The following VPS13D variants were observed in gnomAD, a reference collection of about 807,000 sequenced individuals.
VPS13D encodes intermembrane lipid transfer protein VPS13D.
VPS13D carries 187 observed loss-of-function variants against 461.9 expected under a neutral mutation model. The ratio of observed to expected loss-of-function variants is 0.40; its 90% confidence interval spans 0.36 to 0.46. The LOEUF is 0.46. Among genes scored for constraint, VPS13D ranks in the 20% least tolerant of loss-of-function variants. The probability of loss-of-function intolerance (pLI) is 0.60; values close to 1 mark genes in which losing one functional copy is unlikely to be tolerated. For missense variants in VPS13D, 4,711 were observed against 5,364.9 expected, an observed-to-expected ratio of 0.88 and a Z score of 3.81; for synonymous variants, 1,951 against 1,986.3, an observed-to-expected ratio of 0.98 and a Z score of 0.47.
chr1:12,511,699 C>CTG lies in VPS13D; in HGVS notation c.*2678_*2679dup, dbSNP rs1200695399. Reference sequence around the variant, plus strand: ...TCACTCCCTGGCTGTCGCTGCTTCTCTGTGCTCACTGAAGGGTGAGCCAGG... The same window carrying CTG: ...TCACTCCCTGGCTGTCGCTGCTTCTCTGTGTGCTCACTGAAGGGTGAGCCAGG... On this transcript the variant is annotated 3_prime_UTR_variant, in exon 70 of 70. Transcript: ENST00000620676. The surrounding 1 kb of genome is among the most constrained non-coding windows in gnomAD (Gnocchi z 4.5). 6.6e-6 allele frequency: 1 copy of CTG among 152,308 alleles called. No individual in the cohort carries two copies. The highest frequency in any genetic ancestry group is 2.4e-5 in the African/African-American group (1 of 41,466). The allele number at this position is 152,308 out of a possible 1,614,324, so 9.4% of individuals were successfully genotyped here. A position where few individuals can be genotyped will look rare whatever the true frequency, so the allele number is the denominator to read the frequency against.
chr1:12,488,199 C>G (rs1645827378), intron 67 of VPS13D, among the ~76,000 whole-genome samples: 1 of 152,210 alleles, frequency 6.6e-6, no homozygotes, highest in African/African-American at 2.4e-5. Flanking sequence ...TTGGTATTTT[C>G]AATGGACTTG....
chr1:12,418,660 G>A (rs568015849), intron 65 of VPS13D, among the ~76,000 whole-genome samples: 146 of 152,256 alleles, frequency 9.6e-4, no homozygotes, highest in African/African-American at 3.1e-3. Context: ...AAGGTATGAC[G>A]TTACAAAAAT....
intron 67 of VPS13D, among the ~76,000 whole-genome samples, chr1:12,462,599 C>T (rs1043430021): frequency 3.3e-5 from 5 of 152,210 alleles, no homozygotes; most frequent in African/African-American, 1.2e-4. Flanking sequence ...TATGTCTTGA[C>T]CCTGTGCCCA....
chr1:12,290,747 G>A (rs1328161844), intron 22 of VPS13D, among the ~76,000 whole-genome samples: 1 of 151,632 alleles, frequency 6.6e-6, no homozygotes, highest in Admixed American at 6.6e-5. Flanking sequence ...ATGTAATGTT[G>A]CTGTATTATT....
rs34128167 is a variant in VPS13D at position 12,507,047 on chromosome 1, C to A, written c.12989C>A (p.Thr4330Lys). ...YVQVTKKAVS[T>K]SSGVSIPGPS... ...CAGGTGACCAAGAAAGCCGTGAGCA[C>A]GAGCAGTGGAGTGTCCATCCCCGGC... Residue 4330 changes from threonine (T) to lysine (K), a missense_variant, in exon 69 of 70, where the codon ACG becomes AAG. By Grantham distance (78) the Thr-to-Lys change is moderately conservative. Around this residue, in one of 3 missense-constraint regions of VPS13D, gnomAD observed 194 missense variants for 220.9 expected, o/e 0.88. Transcript: ENST00000620676. This position sits in a 1 kb window ranked among gnomAD's most constrained non-coding sequence, Gnocchi z 5.3. 3 of 1,614,248 alleles carry A rather than the reference C, an allele frequency of 1.9e-6. No homozygotes were observed. Among genetic ancestry groups the A allele is most frequent in the Non-Finnish European group, 2.5e-6 (3 of 1,180,042 alleles).
intron 5 of VPS13D, among the ~76,000 whole-genome samples, chr1:12,247,534 G>A (rs1162883054): frequency 6.6e-6 from 1 of 151,010 alleles, no homozygotes; most frequent in Non-Finnish European, 1.5e-5. Context: ...AAAACAAAAA[G>A]CAAACATTTA....
rs1288471624 is a variant in VPS13D at position 12,363,134 on chromosome 1, G to C, written c.10335G>C (p.Trp3445Cys). 1 of 1,614,180 alleles carries C rather than the reference G, an allele frequency of 6.2e-7. No homozygotes were observed. Among genetic ancestry groups the C allele is most frequent in the Non-Finnish European group, 8.5e-7 (1 of 1,180,034 alleles). Residue 3445 changes from tryptophan (W) to cysteine (C), a missense_variant, in exon 52 of 70, where the codon TGG (tryptophan) becomes TGC (cysteine). This residue lies in a region of VPS13D where 4,411 missense variants were observed against 4,937.8 expected (regional missense o/e 0.89). Transcript: ENST00000620676. ...CTGGTTCCAGTGTGGTGTTCCACTG[G>C]CCTCGGAATGACTATGATCAGCTAT... ...TLPGSSVVFH[W>C]PRNDYDQLLC...
chr1:12,499,252 G>A (rs1430025093), intron 68 of VPS13D, among the ~76,000 whole-genome samples: 2 of 152,140 alleles, frequency 1.3e-5, no homozygotes, highest in African/African-American at 4.8e-5. Flanking sequence ...AGAATCCTCA[G>A]CACATAGAAC....
At chr1:12,398,363 C>CT (rs1259287834) in intron 60 of VPS13D, among the ~76,000 whole-genome samples, 1,862 of 141,272 alleles carry the variant, frequency 0.013, 40 homozygotes, top group African/African-American at 0.041. Context: ...ACTTTTTTTT[C>CT]TTTTTTTTTT....
At chr1:12,468,507 G>A (rs773720936) in intron 67 of VPS13D, among the ~76,000 whole-genome samples, 34 of 152,188 alleles carry the variant, frequency 2.2e-4, no homozygotes, top group Admixed American at 3.9e-4. Context: ...ATTTGGACTA[G>A]CAGGGACTTA....
chr1:12,318,110 A>T lies in VPS13D; in HGVS notation c.7187A>T (p.Asn2396Ile). The T allele has an allele frequency of 6.2e-7, 1 of 1,614,012 alleles. No individual in the cohort carries two copies. Among genetic ancestry groups the T allele is most frequent in the Non-Finnish European group, 8.5e-7 (1 of 1,179,914 alleles). ...KDSSCFTVVL[N>I]NLRVFLIFDW... is the part of the protein sequence containing the mutation. ...TCCTCCTGCTTTACAGTAGTTCTCA[A>T]CAATCTCCGTGTGTTTCTCATATTT... Residue 2396 changes from asparagine (N) to isoleucine (I), a missense_variant, in exon 31 of 70, where the codon AAC becomes ATC. Asn to Ile is a moderately radical substitution (Grantham distance 149, BLOSUM62 -3). Coordinates refer to ENST00000620676, the MANE Select transcript of VPS13D (RefSeq NM_015378.4).
intron 13 of VPS13D, among the ~76,000 whole-genome samples, chr1:12,264,963 G>A (rs568182653): frequency 6.6e-6 from 1 of 152,206 alleles, no homozygotes; most frequent in African/African-American, 2.4e-5. Flanking sequence ...TTAAGTTGCT[G>A]ATTTACCTTT....
chr1:12,482,761 T>A (rs1437096999), intron 67 of VPS13D, among the ~76,000 whole-genome samples: 3 of 143,298 alleles, frequency 2.1e-5, no homozygotes, highest in African/African-American at 8.4e-5. Context: ...TATGTATACA[T>A]AGTATACATA....
At chr1:12,318,903 G>A (rs1367271311) in intron 31 of VPS13D, among the ~76,000 whole-genome samples, 2 of 152,256 alleles carry the variant, frequency 1.3e-5, no homozygotes, top group Middle Eastern at 3.4e-3. Flanking sequence ...AAGCTGGCTA[G>A]CACAATGCGT....
At position 12,254,887 on chromosome 1, in the gene VPS13D, C is replaced by A. The variant is rs192780891; in HGVS notation, c.669+1061C>A. Among the ~76,000 whole-genome samples the A allele has an allele frequency of 1.0e-3, 159 of 151,712 alleles. 1 individual carries two copies. The highest frequency in any genetic ancestry group is 1.8e-3 in the Non-Finnish European group (122 of 67,960). On this transcript the variant is annotated intron_variant, in intron 7 of 69. Coordinates refer to ENST00000620676, the MANE Select transcript of VPS13D (RefSeq NM_015378.4). ...TTAAGTGAAACGGGGGAAAATAACT[C>A]ATTTTTTTCCTCCACCCAGGGTTAT...
intron 27 of VPS13D, among the ~76,000 whole-genome samples, chr1:12,310,550 G>C (rs1642707373): frequency 6.6e-6 from 1 of 152,054 alleles, no homozygotes; most frequent in Non-Finnish European, 1.5e-5. Context: ...AACCTATTCA[G>C]AGTTTATCCT....
chr1:12,493,541 GGAACAT>G (rs1051021013), intron 67 of VPS13D, among the ~76,000 whole-genome samples: 3 of 151,256 alleles, frequency 2.0e-5, no homozygotes, highest in Admixed American at 1.3e-4. Context: ...TAGGCTTACT[GGAACAT>G]ACAGGAAAGT....
At chr1:12,312,042 G>C in intron 29 of VPS13D, 117 bp downstream of exon 29, 2 of 676,516 alleles carry the variant, frequency 3.0e-6, no homozygotes, top group South Asian at 2.9e-5. Flanking sequence ...AATGTTGTCT[G>C]CAGAGTGTCT....
intron 55 of VPS13D, among the ~76,000 whole-genome samples, chr1:12,375,287 A>G (rs571589938): frequency 4.6e-5 from 7 of 152,204 alleles, no homozygotes; most frequent in South Asian, 4.1e-4. Context: ...AGTTGTTGCT[A>G]TTGTGGTGTT....
Sources: gnomAD v4.1 joint callset for allele counts (sites outside exome capture counted in the v4.1 genomes callset) on GRCh38, gnomAD v4.1.1 for gene constraint, gnomAD v4.1.1 regional missense constraint, Gnocchi (gnomAD v3.1) non-coding constraint, MANE v1.5 for transcripts, NCBI Gene and HGNC (gene_info 2026-07-23, HGNC 2026-07-21) for gene names.